The following KCNH8 variants were observed in gnomAD, a reference collection of about 807,000 sequenced individuals.
The protein encoded by KCNH8 is potassium voltage-gated channel subfamily H member 8.
In KCNH8, 70 loss-of-function variants were observed where a neutral mutation model predicts 103.6. That is an observed-to-expected ratio of 0.68 (90% CI 0.56 to 0.82). KCNH8 has a LOEUF of 0.82. Ranked by LOEUF, KCNH8 falls within the 40% of genes least tolerant of loss-of-function variation. KCNH8 has a pLI of 0.00. For missense variants in KCNH8, 1,217 were observed against 1,329.9 expected (o/e 0.92, Z 1.32); for synonymous variants, 498 against 489.4 (o/e 1.02, Z -0.23).
At chr3:19,428,330 T>C (rs2067059645) in intron 7 of KCNH8, among the ~76,000 whole-genome samples, 1 of 152,212 alleles carries the variant, frequency 6.6e-6, no homozygotes. Context: ...GTCTTAACCA[T>C]TTAATGACTT....
intron 1 of KCNH8, among the ~76,000 whole-genome samples, chr3:19,225,254 T>TGGAAG (rs1032759044): frequency 5.3e-5 from 8 of 151,884 alleles, no homozygotes; most frequent in African/African-American, 1.7e-4. Flanking sequence ...AACTCTATTA[T>TGGAAG]GGAAGGGTCC....
chr3:19,293,688 T>G (rs1341795874), intron 3 of KCNH8, among the ~76,000 whole-genome samples: 3 of 152,206 alleles, frequency 2.0e-5, no homozygotes, highest in Non-Finnish European at 4.4e-5. Context: ...TGTATGCCTA[T>G]CTGAAACAAC....
intron 5 of KCNH8, among the ~76,000 whole-genome samples, chr3:19,373,668 TCTTG>T (rs1223254120): frequency 1.3e-4 from 19 of 151,946 alleles, no homozygotes; most frequent in Admixed American, 5.2e-4. Flanking sequence ...ATGTGTTTGC[TCTTG>T]CTTTTCTAGT....
At chr3:19,456,009 G>A (rs2067526718) in intron 10 of KCNH8, among the ~76,000 whole-genome samples, 1 of 152,046 alleles carries the variant, frequency 6.6e-6, no homozygotes, top group Non-Finnish European at 1.5e-5. Context: ...TGAGCAGCAA[G>A]TTAGATTTCT....
intron 1 of KCNH8, among the ~76,000 whole-genome samples, chr3:19,227,466 C>T (rs184279144): frequency 9.9e-5 from 15 of 152,262 alleles, no homozygotes; most frequent in African/African-American, 3.6e-4. Flanking sequence ...CTCAAGAATT[C>T]CCAACATCAC....
chr3:19,213,029 C>G (rs2063785396), intron 1 of KCNH8, among the ~76,000 whole-genome samples: 1 of 152,106 alleles, frequency 6.6e-6, no homozygotes, highest in Non-Finnish European at 1.5e-5. Flanking sequence ...TTAAAAGTCT[C>G]TCAATTTCTC....
rs759051209 is a variant in KCNH8 at position 19,347,782 on chromosome 3, T to A, written c.628T>A (p.Ser210Thr). 2 of 1,613,238 alleles carry A rather than the reference T, an allele frequency of 1.2e-6. No homozygotes were observed. Among genetic ancestry groups the A allele is most frequent in the South Asian group, 2.2e-5 (2 of 91,062 alleles). Residue 210 changes from serine to threonine, a missense_variant, in exon 5 of 16, where the codon TCC becomes ACC. By Grantham distance (58) the Ser-to-Thr change is moderately conservative. This residue lies in a region of KCNH8 where 244 missense variants were observed against 256.8 expected (regional missense o/e 0.95). Transcript: ENST00000328405. ...GTATAAAGTTTCTGATGCAAAAAAG[T>A]CCAAATTCATACTTCTGCATTTTAG... ...PEYKVSDAKKSKFILLHFSTF... is the reference protein window; with the variant it reads ...PEYKVSDAKKTKFILLHFSTF...
rs773281237 is a variant in KCNH8, at chr3:19,515,354, G to A, written c.2468G>A (p.Ser823Asn). The A allele has an allele frequency of 1.1e-5, 18 of 1,587,956 alleles. No individual in the cohort carries two copies. Among genetic ancestry groups the A allele is most frequent in the Middle Eastern group, 1.7e-4 (1 of 6,022 alleles). Residue 823 changes from serine to asparagine, a missense_variant, in exon 14 of 16, where the codon AGT becomes AAT. Physicochemically the swap from Ser to Asn is conservative, Grantham distance 46. This residue lies in a region of KCNH8 where 558 missense variants were observed against 495.8 expected (regional missense o/e 1.13). Transcript: ENST00000328405. ...IVDGIEDGNS[S>N]EESQTFDFGS... ...GATGGAATTGAAGATGGAAACAGCA[G>A]TGAAGAAAGTCAGACTTTTGATTTT...
chr3:19,515,658 G>A (rs567742049), intron 14 of KCNH8, among the ~76,000 whole-genome samples: 23 of 152,052 alleles, frequency 1.5e-4, no homozygotes, highest in African/African-American at 4.8e-4. Context: ...ATTTAGCAGC[G>A]AAGGTAATTG....
chr3:19,168,734 C>T (rs1324764239), intron 1 of KCNH8, among the ~76,000 whole-genome samples: 4 of 151,992 alleles, frequency 2.6e-5, no homozygotes, highest in East Asian at 1.9e-4. Context: ...ATATGAAGGA[C>T]GAAGAATAAC....
chr3:19,355,087 C>G (rs1193518712), intron 5 of KCNH8, among the ~76,000 whole-genome samples: 1 of 152,162 alleles, frequency 6.6e-6, no homozygotes, highest in Non-Finnish European at 1.5e-5. Flanking sequence ...TGAACAGACA[C>G]TTCTCAAAAG....
At chr3:19,378,944 A>G (rs1426199321) in intron 5 of KCNH8, among the ~76,000 whole-genome samples, 1 of 152,230 alleles carries the variant, frequency 6.6e-6, no homozygotes, top group African/African-American at 2.4e-5. Context: ...CATCACAGAC[A>G]CCAAGACAGT....
At chr3:19,292,335 A>G (rs1040544390) in intron 3 of KCNH8, among the ~76,000 whole-genome samples, 1 of 152,156 alleles carries the variant, frequency 6.6e-6, no homozygotes, top group African/African-American at 2.4e-5. Flanking sequence ...TTTTCACATT[A>G]TCTTTAGTGG....
chr3:19,489,765 A>G (rs1470512148), intron 11 of KCNH8, among the ~76,000 whole-genome samples: 2 of 152,174 alleles, frequency 1.3e-5, no homozygotes, highest in Admixed American at 1.3e-4. Context: ...GCACACACAC[A>G]CTTTTACAGT....
At chr3:19,335,809 A>G (rs1016829511) in intron 3 of KCNH8, among the ~76,000 whole-genome samples, 1 of 151,728 alleles carries the variant, frequency 6.6e-6, no homozygotes, top group African/African-American at 2.4e-5. Context: ...CTAAAAATAG[A>G]ACTATGAAAA....
chr3:19,305,306 TA>T (rs1477833834), intron 3 of KCNH8, among the ~76,000 whole-genome samples: 1 of 152,150 alleles, frequency 6.6e-6, no homozygotes, highest in African/African-American at 2.4e-5. Context: ...GAAACGTCTC[TA>T]AAATGTATTT....
chr3:19,324,619 T>A (rs1175149406), intron 3 of KCNH8, among the ~76,000 whole-genome samples: 2 of 152,150 alleles, frequency 1.3e-5, no homozygotes, highest in African/African-American at 4.8e-5. Flanking sequence ...TACCTAGGAA[T>A]ACAGCTTGCT....
chr3:19,513,102 C>G lies in KCNH8; in HGVS notation c.2212C>G (p.Arg738Gly), dbSNP rs138619397. ...CATCTGCACAAGGGGATCTTCTTCG[C>G]GCAACAAGAAGGTTGGAAGCAATAA... is the stretch of plus-strand genomic sequence containing the variant. The part of the protein sequence containing the change: ...SPICTRGSSS[R>G]NKKVGSNKAY... The change falls in exon 13 of 16, where the codon CGC (arginine) becomes GGC (glycine). Residue 738 changes from arginine to glycine, a missense_variant. Physicochemically the swap from Arg to Gly is moderately radical, Grantham distance 125 (BLOSUM62 -2). Transcript: ENST00000328405. The G allele has an allele frequency of 1.2e-6, 2 of 1,613,812 alleles. No homozygotes were observed. Among genetic ancestry groups the G allele is most frequent in the Admixed American group, 1.7e-5 (1 of 59,898 alleles).
chr3:19,386,954 A>G (rs1023374334), intron 5 of KCNH8, among the ~76,000 whole-genome samples: 2 of 152,094 alleles, frequency 1.3e-5, no homozygotes, highest in African/African-American at 4.8e-5. Flanking sequence ...CCTCAACACA[A>G]TCTTTTTATG....
Sources: gnomAD v4.1 joint callset for allele counts (sites outside exome capture counted in the v4.1 genomes callset) on GRCh38, gnomAD v4.1.1 for gene constraint, gnomAD v4.1.1 regional missense constraint, MANE v1.5 for transcripts, NCBI Gene and HGNC (gene_info 2026-07-23, HGNC 2026-07-21) for gene names.